Variants in MGRN1 observed in about 807,000 individuals in gnomAD.
MGRN1 encodes the protein E3 ubiquitin-protein ligase MGRN1.
MGRN1 carries 29 observed loss-of-function variants against 69.2 expected under a neutral mutation model. That is an observed-to-expected ratio of 0.42 (90% CI 0.31 to 0.57). The LOEUF (loss-of-function observed/expected upper bound fraction) is 0.57, where lower values mean the gene tolerates loss of function less well. MGRN1 is among the 20% of genes least tolerant of loss of function. The pLI, the probability that MGRN1 is intolerant of heterozygous loss-of-function variation, is 0.15. For synonymous variants in MGRN1, 470 were observed against 344.2 expected (o/e 1.37, Z -4.04); for missense variants, 998 against 796.2 (o/e 1.25, Z -3.05).
chr16:4,664,820 G>GGGA, intron 6 of MGRN1, 45 bp downstream of exon 6: 1 of 1,606,732 alleles, frequency 6.2e-7, no homozygotes, highest in Non-Finnish European at 8.5e-7. Context: ...AGGCCGTGCA[G>GGGA]GGAGGAAGCA....
intron 1 of MGRN1, among the ~76,000 whole-genome samples, chr16:4,641,161 A>ATG (rs757545889): frequency 1.3e-5 from 2 of 152,126 alleles, no homozygotes; most frequent in Non-Finnish European, 1.5e-5. Context: ...GCACATACAA[A>ATG]TGTACACAGC....
At chr16:4,683,342 C>T in intron 15 of MGRN1, 73 bp downstream of exon 15, 3 of 1,557,898 alleles carry the variant, frequency 1.9e-6, no homozygotes, top group East Asian at 2.2e-5. Context: ...GGCCTTAGGG[C>T]TCCAGGTGGT....
At chr16:4,663,281 C>G in intron 5 of MGRN1, among the ~76,000 whole-genome samples, 1 of 150,754 alleles carries the variant, frequency 6.6e-6, no homozygotes, top group East Asian at 2.0e-4. Context: ...CCAGGCTGGT[C>G]TCAAACTGCT....
chr16:4,642,451 C>T (rs984397204), intron 1 of MGRN1, among the ~76,000 whole-genome samples: 1 of 147,842 alleles, frequency 6.8e-6, no homozygotes, highest in Non-Finnish European at 1.5e-5. Flanking sequence ...GCATGCACCA[C>T]CACGGCCAGC....
At chr16:4,644,305 GT>G (rs79613493) in intron 1 of MGRN1, among the ~76,000 whole-genome samples, 4,059 of 107,580 alleles carry the variant, frequency 0.038, 190 homozygotes, top group African/African-American at 0.13. Context: ...TCAATTACCA[GT>G]TTTTTTTTTT....
At chr16:4,649,855 C>T (rs1188317473) in intron 1 of MGRN1, 1 of 154,778 alleles carries the variant, frequency 6.5e-6, no homozygotes, top group South Asian at 1.9e-4. Context: ...AGGAGGCCAC[C>T]TTGGAAGGCC....
At chr16:4,642,191 C>T (rs1343683087) in intron 1 of MGRN1, among the ~76,000 whole-genome samples, 1 of 148,084 alleles carries the variant, frequency 6.8e-6, no homozygotes, top group Non-Finnish European at 1.5e-5. Context: ...AGTGCAGTGG[C>T]GCGATTTCAG....
intron 4 of MGRN1, among the ~76,000 whole-genome samples, chr16:4,655,168 G>T (rs899354430): frequency 1.3e-5 from 2 of 152,162 alleles, no homozygotes; most frequent in Non-Finnish European, 2.9e-5. Context: ...TTGTGGCGAG[G>T]TGTCCAGGGG....
intron 4 of MGRN1, among the ~76,000 whole-genome samples, chr16:4,654,172 C>T (rs73516866): frequency 0.031 from 4,713 of 152,216 alleles, 251 homozygotes; most frequent in African/African-American, 0.11. Context: ...AGTCACCTCA[C>T]TGGCACATAA....
intron 5 of MGRN1, among the ~76,000 whole-genome samples, chr16:4,663,069 T>A (rs1473454177): frequency 1.3e-5 from 2 of 152,218 alleles, no homozygotes; most frequent in African/African-American, 4.8e-5. Flanking sequence ...ATCCATATTT[T>A]GTTTTTGTTT....
chr16:4,687,163 C>T (rs1252954184), intron 16 of MGRN1: 46 of 985,200 alleles, frequency 4.7e-5, no homozygotes, highest in Non-Finnish European at 5.5e-5. Flanking sequence ...TTCTGGAACA[C>T]CAGCACTAAA....
chr16:4,645,501 A>C (rs1423725384), intron 1 of MGRN1, among the ~76,000 whole-genome samples: 1 of 152,180 alleles, frequency 6.6e-6, no homozygotes, highest in Non-Finnish European at 1.5e-5. Context: ...AAAACTACAT[A>C]CAGTAAGATC....
At chr16:4,645,569 G>A (rs1596272920) in intron 1 of MGRN1, among the ~76,000 whole-genome samples, 1 of 152,326 alleles carries the variant, frequency 6.6e-6, no homozygotes, top group Non-Finnish European at 1.5e-5. Context: ...GAATAAGGCT[G>A]GAAAGGGGAG....
rs72770337 is a variant in MGRN1 at position 4,663,391 on chromosome 16, T to A, written c.562-1318T>A. Among the ~76,000 whole-genome samples the A allele has an allele frequency of 3.0e-3, 374 of 123,136 alleles. 4 individuals carry two copies. The highest frequency in any genetic ancestry group is 9.5e-3 in the Middle Eastern group (2 of 210). The allele number at this position is 123,136 out of a possible 152,430, so 80.8% of individuals were successfully genotyped here. ...TTTTTTTTTTTTTTTTTTTTTTTTT[T>A]ACACCTTTATTGTGTTATAATTACC... On this transcript the variant is annotated intron_variant, in intron 5 of 16. Coordinates refer to ENST00000262370, the MANE Select transcript of MGRN1 (RefSeq NM_015246.4).
chr16:4,648,446 C>G lies in MGRN1; in HGVS notation c.89-1919C>G, dbSNP rs1282973095. ...TTCCCGTGGTCACCCGGCTCCTCCT[C>G]TCGGGGACTCTTCCCGTGGTCACCT... On this transcript the variant is annotated intron_variant, in intron 1 of 16. Transcript: ENST00000262370. Among the ~76,000 whole-genome samples the G allele has an allele frequency of 1.7e-5, 2 of 120,294 alleles. 1 individual carries two copies. Among genetic ancestry groups the G allele is most frequent in the African/African-American group, 8.0e-5 (2 of 24,854 alleles). 78.9% of individuals were successfully genotyped at this position (120,294 alleles called of 152,430 possible).
chr16:4,642,334 G>T (rs2078177681), intron 1 of MGRN1, among the ~76,000 whole-genome samples: 1 of 151,742 alleles, frequency 6.6e-6, no homozygotes, highest in Admixed American at 6.6e-5. Flanking sequence ...GTCGTCTTCT[G>T]TCACCCAGGC....
chr16:4,664,877 A>G (rs1382565865), intron 6 of MGRN1, 102 bp downstream of exon 6: 5 of 1,484,108 alleles, frequency 3.4e-6, no homozygotes, highest in Non-Finnish European at 4.7e-6. Context: ...CAGGCCAGGC[A>G]TAGGGCCTTG....
intron 1 of MGRN1, among the ~76,000 whole-genome samples, chr16:4,640,776 C>G (rs573355269): frequency 6.6e-6 from 1 of 152,346 alleles, no homozygotes; most frequent in African/African-American, 2.4e-5. Flanking sequence ...GGCGATGACA[C>G]CACTGACTCC....
In MGRN1 at chr16:4,675,117, C is replaced by T. The variant is rs987524615; in HGVS notation, c.955+1460C>T. Among the ~76,000 whole-genome samples the T allele has an allele frequency of 3.3e-5, 5 of 152,206 alleles. No individual in the cohort carries two copies. In the South Asian group the frequency reaches 6.2e-4, roughly 19 times the overall value. On this transcript the variant is annotated intron_variant, in intron 10 of 16. Coordinates refer to ENST00000262370, the MANE Select transcript of MGRN1 (RefSeq NM_015246.4). ...CCTCCTGAGTTGCTGGGATTACAGGCATGTGCCACCATGCCCGGCTATTTT... is the reference window on the plus strand; with the variant it reads ...CCTCCTGAGTTGCTGGGATTACAGGTATGTGCCACCATGCCCGGCTATTTT...
Sources: gnomAD v4.1 joint callset for allele counts (sites outside exome capture counted in the v4.1 genomes callset) on GRCh38, gnomAD v4.1.1 for gene constraint, MANE v1.5 for transcripts, NCBI Gene and HGNC (gene_info 2026-07-23, HGNC 2026-07-21) for gene names.